PREX2: variants seen among roughly 807,000 people sequenced by gnomAD.
PREX2 encodes phosphatidylinositol-3,4,5-trisphosphate dependent Rac exchange factor 2, also known as phosphatidylinositol 3,4,5-trisphosphate-dependent Rac exchanger 2 protein.
Under a neutral mutation model 203.2 loss-of-function variants are expected in PREX2, and 107 were observed. The observed-to-expected ratio is 0.53, with a 90% CI of 0.45 to 0.62. The LOEUF is 0.62. PREX2 is among the 20% of genes least tolerant of loss of function. The pLI is 0.00. For synonymous variants in PREX2, 672 were observed against 663.6 expected, an observed-to-expected ratio of 1.01 and a Z score of -0.19; for missense variants, 1,777 against 1,955.9, an observed-to-expected ratio of 0.91 and a Z score of 1.72.
intron 1 of PREX2, among the ~76,000 whole-genome samples, chr8:68,007,094 A>G (rs745918035): frequency 2.6e-5 from 4 of 152,246 alleles, no homozygotes; most frequent in Non-Finnish European, 4.4e-5. Flanking sequence ...CAATATCCAT[A>G]GAAATGAACT....
chr8:68,115,683 CA>C, intron 25 of PREX2, 69 bp from the exon 26 acceptor site: 1 of 1,038,642 alleles, frequency 9.6e-7, no homozygotes, highest in Non-Finnish European at 1.4e-6. Context: ...CTATTGTATT[CA>C]GCAAATAAGG....
intron 9 of PREX2, 150 bp downstream of exon 9, chr8:68,053,396 G>A (rs960663544): frequency 1.7e-5 from 13 of 775,626 alleles, no homozygotes; most frequent in Non-Finnish European, 2.7e-5. Flanking sequence ...TTTTGACATT[G>A]AAAGCAATTA....
At chr8:68,179,266 C>T (rs1009490561) in intron 35 of PREX2, among the ~76,000 whole-genome samples, 2 of 152,092 alleles carry the variant, frequency 1.3e-5, no homozygotes, top group African/African-American at 4.8e-5. Flanking sequence ...TAAATTCTCA[C>T]TTACAATTTC....
chr8:67,957,607 G>A (rs1805527291), intron 1 of PREX2, among the ~76,000 whole-genome samples: 1 of 152,106 alleles, frequency 6.6e-6, no homozygotes, highest in African/African-American at 2.4e-5. Flanking sequence ...TGCTTTTCTT[G>A]GCCTAAACAC....
At chr8:68,199,180 A>G (rs1410110874) in intron 37 of PREX2, among the ~76,000 whole-genome samples, 1 of 152,140 alleles carries the variant, frequency 6.6e-6, no homozygotes, top group East Asian at 1.9e-4. Flanking sequence ...CATCATAAAT[A>G]TCCTGTGTGC....
At chr8:68,211,551 A>G (rs1342928176) in intron 37 of PREX2, among the ~76,000 whole-genome samples, 4 of 152,190 alleles carry the variant, frequency 2.6e-5, no homozygotes, top group Admixed American at 1.3e-4. Context: ...TTCTTGCTGC[A>G]CTTTATGAGG....
chr8:68,017,846 G>A lies in PREX2; in HGVS notation c.142G>A (p.Ala48Thr). The A allele has an allele frequency of 6.2e-7, 1 of 1,610,726 alleles. No individual in the cohort carries two copies. The highest frequency in any genetic ancestry group is 8.5e-7 in the Non-Finnish European group (1 of 1,177,680). The change falls in exon 2 of 40, where the codon GCA (alanine) becomes ACA (threonine). Residue 48 changes from alanine (A) to threonine (T), a missense_variant and splice_region_variant. Transcript: ENST00000288368. ...CATAATGTCTTCTTGTTTCATGCAG[G>A]CATTCTTACACAGAATGAACCAGTG... ...YVGTLEFLVS[A>T]FLHRMNQCAA... is the part of the protein sequence containing the mutation.
chr8:68,119,301 C>T, intron 27 of PREX2, 131 bp from the exon 28 acceptor site: 1 of 613,380 alleles, frequency 1.6e-6, no homozygotes, highest in Non-Finnish European at 2.9e-6. Flanking sequence ...TTTCTCTGAA[C>T]ATGAGAACTG....
chr8:67,987,997 CAA>C (rs1806486672), intron 1 of PREX2, among the ~76,000 whole-genome samples: 1 of 152,096 alleles, frequency 6.6e-6, no homozygotes, highest in Non-Finnish European at 1.5e-5. Context: ...AGCAGGTATG[CAA>C]AGATAGTTTT....
chr8:67,980,092 G>A (rs1204608811), intron 1 of PREX2, among the ~76,000 whole-genome samples: 2 of 152,174 alleles, frequency 1.3e-5, no homozygotes, highest in African/African-American at 2.4e-5. Flanking sequence ...TGAGCAAAGA[G>A]GTGAAAAAGT....
At chr8:68,087,068 A>G (rs994886461) in intron 18 of PREX2, among the ~76,000 whole-genome samples, 1 of 152,210 alleles carries the variant, frequency 6.6e-6, no homozygotes, top group East Asian at 1.9e-4. Flanking sequence ...AAGTACCTGT[A>G]TAGCTCATAG....
chr8:68,065,473 T>C (rs1808989398), intron 11 of PREX2, among the ~76,000 whole-genome samples: 1 of 152,214 alleles, frequency 6.6e-6, no homozygotes, highest in African/African-American at 2.4e-5. Context: ...CTATCTTTTT[T>C]TAAAAAGAAC....
At chr8:67,988,913 A>G (rs570544397) in intron 1 of PREX2, among the ~76,000 whole-genome samples, 1 of 152,238 alleles carries the variant, frequency 6.6e-6, no homozygotes, top group Non-Finnish European at 1.5e-5. Context: ...CTGATTTTCC[A>G]GAGTAAGTTG....
At position 68,201,900 on chromosome 8, in the gene PREX2, A is replaced by ATTTTT. The variant is rs869153263; in HGVS notation, c.4604+9395_4604+9399dup. Among the ~76,000 whole-genome samples the ATTTTT allele has an allele frequency of 1.1e-3, 112 of 98,248 alleles. 3 individuals are homozygous for ATTTTT. Among genetic ancestry groups the ATTTTT allele is most frequent in the East Asian group, 5.1e-3 (15 of 2,948 alleles). 64.5% of individuals were successfully genotyped at this position (98,248 alleles called of 152,430 possible). A position where few individuals can be genotyped will look rare whatever the true frequency, so the allele number is the denominator to read the frequency against. ...CCAGGAAGGGAGTAAGGTAACACCT[A>ATTTTT]TTTTTTTTTTTTTTTTTTTTTTTTG... is the stretch of plus-strand genomic sequence containing the variant. On this transcript the variant is annotated intron_variant, in intron 37 of 39. Coordinates refer to ENST00000288368, the MANE Select transcript of PREX2 (RefSeq NM_024870.4).
chr8:68,015,789 A>G (rs1452317548), intron 1 of PREX2, among the ~76,000 whole-genome samples: 1 of 152,222 alleles, frequency 6.6e-6, no homozygotes, highest in Non-Finnish European at 1.5e-5. Context: ...AAAAAATTAA[A>G]CAGAATAATA....
chr8:68,062,464 G>A (rs1167185149), intron 11 of PREX2, among the ~76,000 whole-genome samples: 6 of 152,124 alleles, frequency 3.9e-5, no homozygotes, highest in Admixed American at 6.5e-5. Context: ...TCCTCTCAGA[G>A]CCTGACACCT....
At chr8:67,992,923 A>G (rs938505166) in intron 1 of PREX2, among the ~76,000 whole-genome samples, 3 of 152,224 alleles carry the variant, frequency 2.0e-5, no homozygotes, top group Non-Finnish European at 2.9e-5. Context: ...TCAGCTGAAC[A>G]TAATTCAATG....
chr8:68,200,038 A>G (rs1812471811), intron 37 of PREX2, among the ~76,000 whole-genome samples: 1 of 152,198 alleles, frequency 6.6e-6, no homozygotes, highest in African/African-American at 2.4e-5. Context: ...TAAGCCAATA[A>G]AGCTTTCAAA....
At chr8:67,984,102 C>T (rs1806345730) in intron 1 of PREX2, among the ~76,000 whole-genome samples, 1 of 152,212 alleles carries the variant, frequency 6.6e-6, no homozygotes, top group Admixed American at 6.5e-5. Flanking sequence ...TCTTTAGAAT[C>T]GTTCTAAGGT....
Sources: allele counts gnomAD v4.1 joint callset (sites outside exome capture counted in the v4.1 genomes callset), GRCh38; gene constraint gnomAD v4.1.1; transcripts MANE v1.5; gene names NCBI Gene and HGNC (gene_info 2026-07-23, HGNC 2026-07-21).